The following SHBG variants were observed in gnomAD, a reference collection of about 807,000 sequenced individuals.
The protein encoded by SHBG is sex hormone-binding globulin.
In SHBG, 37 loss-of-function variants were observed where a neutral mutation model predicts 41.9. The observed-to-expected ratio is 0.88, with a 90% CI of 0.68 to 1.16. SHBG has a LOEUF of 1.16. Among genes scored for constraint, SHBG ranks in the 50% most tolerant of loss-of-function variants. SHBG has a pLI of 0.00. For synonymous variants in SHBG, 217 were observed against 205.8 expected (o/e 1.05, Z -0.47); for missense variants, 466 against 499.9 (o/e 0.93, Z 0.65).
intron 6 of SHBG, 167 bp downstream of exon 6, chr17:7,632,182 C>A: frequency 1.3e-6 from 1 of 760,654 alleles, no homozygotes; most frequent in Non-Finnish European, 2.2e-6. Flanking sequence ...CATGGTGGTG[C>A]TTGCCTGTAA....
chr17:7,627,749 A>T (rs1379893468), upstream of SHBG: 74 of 1,017,380 alleles, frequency 7.3e-5, no homozygotes, highest in Non-Finnish European at 9.7e-5. The surrounding 1 kb of genome is among the most constrained non-coding windows in gnomAD (Gnocchi z 4.8). Flanking sequence ...GGGTGGCGGG[A>T]GTCGGGGGGG....
chr17:7,626,923 C>A, upstream of SHBG: 5 of 1,612,034 alleles, frequency 3.1e-6, no homozygotes, highest in Non-Finnish European at 4.2e-6. Context: ...CCCACCCCAG[C>A]CTCAGCTTCT....
chr17:7,627,985 G>GTAGA (rs942256505), upstream of SHBG: 1 of 519,248 alleles, frequency 1.9e-6, no homozygotes, highest in Non-Finnish European at 3.7e-6. This position sits in a 1 kb window ranked among gnomAD's most constrained non-coding sequence, Gnocchi z 4.8. Context: ...GGGCTCCTGG[G>GTAGA]TAGAGTTCAA....
upstream of SHBG, chr17:7,627,295 G>A: frequency 5.0e-6 from 8 of 1,611,994 alleles, no homozygotes; most frequent in Non-Finnish European, 6.8e-6. The surrounding 1 kb of genome is among the most constrained non-coding windows in gnomAD (Gnocchi z 4.8). Context: ...GCCTGGAGCT[G>A]TCGCCTGGGG....
At chr17:7,622,034 A>G (rs1486111415) in intron 1 of SHBG, among the ~76,000 whole-genome samples, 2 of 150,180 alleles carry the variant, frequency 1.3e-5, no homozygotes, top group African/African-American at 2.5e-5. Context: ...TAGTAGAGAC[A>G]GGGTTTCACC....
rs2072440511 is a variant in SHBG at position 7,632,204 on chromosome 17, G to A, written c.852+189G>A. 3 of 680,762 alleles carry A rather than the reference G, an allele frequency of 4.4e-6. No homozygotes were observed. The South Asian group carries it at 5.1e-5, about 12-fold the overall frequency. The allele number at this position is 680,762 out of a possible 1,614,324, so 42.2% of individuals were successfully genotyped here. ...GTGCTTGCCTGTAATCCCAGGTGCTGGAGGCCAAGACCAGAGGATCACTTG... is the reference window on the plus strand; with the variant it reads ...GTGCTTGCCTGTAATCCCAGGTGCTAGAGGCCAAGACCAGAGGATCACTTG... On this transcript the variant is annotated intron_variant, in intron 6 of 7. Coordinates refer to ENST00000380450, the MANE Select transcript of SHBG (RefSeq NM_001040.5).
Position 7,630,394 on chromosome 17 carries a change from G to GT in SHBG, c.112-19dup, listed in dbSNP as rs2072363417. 1 of 1,611,608 alleles carries GT rather than the reference G, an allele frequency of 6.2e-7. No individual in the cohort carries two copies. The highest frequency in any genetic ancestry group is 1.3e-5 in the African/African-American group (1 of 74,824). On this transcript the variant is annotated intron_variant, in intron 1 of 7. Transcript: ENST00000380450. The surrounding 1 kb of genome is among the most constrained non-coding windows in gnomAD (Gnocchi z 4.6). ...CTCTGACATGTCCCTACTCAGCTTT[G>GT]TTTGTTTTCTCTTTCTGATAGAGTG... is the stretch of plus-strand genomic sequence containing the variant.
rs753544879 is a variant in SHBG at position 7,630,785 on chromosome 17, C to A, written c.309C>A (p.Gly103=). ...DDWFMLGLRD[G]RPEIQLHNHW... ...GGTTTATGCTGGGACTTCGAGACGG[C>A]AGGCCTGAGATCCAACTGCACAATC... The change falls in exon 3 of 8, where the codon GGC becomes GGA. Residue 103 remains glycine (G), a synonymous_variant. Transcript: ENST00000380450. This position sits in a 1 kb window ranked among gnomAD's most constrained non-coding sequence, Gnocchi z 4.6. The A allele has an allele frequency of 1.9e-6, 3 of 1,614,048 alleles. No homozygotes were observed. In the Admixed American group the frequency reaches 5.0e-5, roughly 27 times the overall value.
At chr17:7,619,711 C>CAA (rs36022075) in intron 1 of SHBG, among the ~76,000 whole-genome samples, 10 of 77,978 alleles carry the variant, frequency 1.3e-4, no homozygotes, top group African/African-American at 3.3e-4. Flanking sequence ...AACTTCGTCT[C>CAA]AAAAAAAAAA....
intron 6 of SHBG, 77 bp downstream of exon 6, chr17:7,632,092 C>A: frequency 2.1e-6 from 3 of 1,458,540 alleles, no homozygotes; most frequent in Non-Finnish European, 2.9e-6. Flanking sequence ...TCCAACATGT[C>A]AATATTAGGA....
intron 1 of SHBG, among the ~76,000 whole-genome samples, chr17:7,621,922 C>T (rs540467089): frequency 1.3e-5 from 2 of 151,446 alleles, no homozygotes; most frequent in South Asian, 2.1e-4. Context: ...CTGCAACCTC[C>T]GCCTCCTGGG....
chr17:7,630,632 C>A lies in SHBG; in HGVS notation c.204-48C>A. ...CATCTCCCCCAAACCCACACTGGTT[C>A]TCAAAGGACACATGACATACACAAT... On this transcript the variant is annotated intron_variant, in intron 2 of 7. Coordinates refer to ENST00000380450, the MANE Select transcript of SHBG (RefSeq NM_001040.5). The surrounding 1 kb of genome is among the most constrained non-coding windows in gnomAD (Gnocchi z 4.6). 1 of 1,580,038 alleles carries A rather than the reference C, an allele frequency of 6.3e-7. No homozygotes were observed. The highest frequency in any genetic ancestry group is 8.7e-7 in the Non-Finnish European group (1 of 1,150,616).
At chr17:7,627,015 A>G (rs867603765), upstream of SHBG, 3 of 1,613,856 alleles carry the variant, frequency 1.9e-6, no homozygotes, top group African/African-American at 4.0e-5. This position sits in a 1 kb window ranked among gnomAD's most constrained non-coding sequence, Gnocchi z 4.8. Flanking sequence ...TAGATGAAAT[A>G]GTATATCCCA....
At chr17:7,628,559 G>A (rs1043150970), upstream of SHBG, among the ~76,000 whole-genome samples, 1 of 151,890 alleles carries the variant, frequency 6.6e-6, no homozygotes, top group African/African-American at 2.4e-5. Flanking sequence ...CGATTCTCCT[G>A]CCTCACCCTC....
At chr17:7,630,002 C>T, upstream of SHBG, 1 of 687,298 alleles carries the variant, frequency 1.5e-6, no homozygotes. This position sits in a 1 kb window ranked among gnomAD's most constrained non-coding sequence, Gnocchi z 4.6. Flanking sequence ...GGGGTGATAG[C>T]TGAGTCTTGT....
chr17:7,622,136 C>A (rs1204123482), intron 1 of SHBG, among the ~76,000 whole-genome samples: 1 of 151,606 alleles, frequency 6.6e-6, no homozygotes, highest in Non-Finnish European at 1.5e-5. Context: ...TGAGCCACTA[C>A]GCCCAGCCCA....
At position 7,632,810 on chromosome 17, in the gene SHBG, T is replaced by C; in HGVS notation, c.911T>C (p.Leu304Pro). ...CTGGATCTGCCCCTGGTCTTGGGAC[T>C]CCCTCTTCAGCTGAAGCTGAGTATG... ...PGLDLPLVLG[L>P]PLQLKLSMSR... The change falls in exon 7 of 8, where the codon CTC becomes CCC. Residue 304 changes from leucine to proline, a missense_variant. By Grantham distance (98) the Leu-to-Pro change is moderately conservative. Coordinates refer to ENST00000380450, the MANE Select transcript of SHBG (RefSeq NM_001040.5). The C allele has an allele frequency of 6.2e-7, 1 of 1,614,146 alleles. No homozygotes were observed. Among genetic ancestry groups the C allele is most frequent in the African/African-American group, 1.3e-5 (1 of 75,054 alleles).
chr17:7,614,118 C>T (rs1160801385), intron 1 of SHBG: 5 of 556,312 alleles, frequency 9.0e-6, no homozygotes, highest in South Asian at 7.6e-5. Context: ...TAAGGTATGT[C>T]TTCCACCAGA....
chr17:7,621,058 T>G (rs1006908233), intron 1 of SHBG, among the ~76,000 whole-genome samples: 1 of 122,666 alleles, frequency 8.2e-6, no homozygotes, highest in Non-Finnish European at 1.6e-5. Context: ...ATCGCACCAC[T>G]GCACTTGGCC....
Sources: gnomAD v4.1 joint callset for allele counts (sites outside exome capture counted in the v4.1 genomes callset) on GRCh38, gnomAD v4.1.1 for gene constraint, Gnocchi (gnomAD v3.1) non-coding constraint, MANE v1.5 for transcripts, NCBI Gene and HGNC (gene_info 2026-07-23, HGNC 2026-07-21) for gene names.